The following TACR1 variants were observed in gnomAD, a reference collection of about 807,000 sequenced individuals.
TACR1 encodes substance-P receptor.
In TACR1, 25 loss-of-function variants were observed where a neutral mutation model predicts 35.8. That is an observed-to-expected ratio of 0.70 (90% confidence interval 0.51 to 0.98). The LOEUF is 0.98. TACR1 is among the 50% of genes least tolerant of loss of function. TACR1 has a pLI of 0.00. For missense variants in TACR1, 478 were observed against 522.9 expected, an observed-to-expected ratio of 0.91 and a Z score of 0.84; for synonymous variants, 195 against 206.7, an observed-to-expected ratio of 0.94 and a Z score of 0.48.
chr2:75,075,717 A>G (rs572728895), intron 2 of TACR1, among the ~76,000 whole-genome samples: 2 of 152,380 alleles, frequency 1.3e-5, no homozygotes, highest in East Asian at 3.9e-4. Flanking sequence ...AATAACAACA[A>G]GAACAAATTC....
At chr2:75,090,545 C>G (rs546241706) in intron 2 of TACR1, among the ~76,000 whole-genome samples, 8 of 152,264 alleles carry the variant, frequency 5.3e-5, no homozygotes, top group African/African-American at 1.9e-4. Context: ...ACAAACTCAA[C>G]CAATTGTCAA....
chr2:75,170,702 C>T (rs1675257205), intron 1 of TACR1, among the ~76,000 whole-genome samples: 1 of 152,114 alleles, frequency 6.6e-6, no homozygotes, highest in Non-Finnish European at 1.5e-5. Flanking sequence ...GAGGAACTTG[C>T]TGGGAACTGG....
At chr2:75,080,048 A>G (rs922378866) in intron 2 of TACR1, among the ~76,000 whole-genome samples, 1 of 152,182 alleles carries the variant, frequency 6.6e-6, no homozygotes. Context: ...TTACCCTCCA[A>G]TCTTGCAAAA....
intron 3 of TACR1, among the ~76,000 whole-genome samples, chr2:75,052,604 A>T (rs1220088881): frequency 1.3e-5 from 2 of 152,198 alleles, no homozygotes; most frequent in African/African-American, 2.4e-5. Flanking sequence ...ATTTTCAAAA[A>T]TCTTGTCAAT....
chr2:75,186,997 C>T (rs1329184394), intron 1 of TACR1: 2 of 152,142 alleles, frequency 1.3e-5, no homozygotes, highest in African/African-American at 4.8e-5. Context: ...CCAGACAGAC[C>T]CTGGCAGAAA....
chr2:75,095,690 T>C (rs1362728684), intron 2 of TACR1, among the ~76,000 whole-genome samples: 2 of 152,136 alleles, frequency 1.3e-5, no homozygotes, highest in Non-Finnish European at 1.5e-5. Flanking sequence ...TCGCCTAATA[T>C]CCAGGAGCTC....
chr2:75,111,165 T>C (rs1572936377), intron 2 of TACR1, among the ~76,000 whole-genome samples: 1 of 152,014 alleles, frequency 6.6e-6, no homozygotes. Flanking sequence ...TTTCCTGATA[T>C]ATAGAATTTA....
intron 2 of TACR1, among the ~76,000 whole-genome samples, chr2:75,071,192 T>G (rs1392217341): frequency 6.6e-6 from 1 of 152,186 alleles, no homozygotes; most frequent in East Asian, 1.9e-4. Flanking sequence ...AAAAATGTGT[T>G]GATCCCTGCT....
intron 1 of TACR1, among the ~76,000 whole-genome samples, chr2:75,143,258 A>T (rs1201477297): frequency 1.3e-5 from 2 of 152,148 alleles, no homozygotes; most frequent in Non-Finnish European, 2.9e-5. Context: ...ACAAGTTTGA[A>T]TTTTACTTTT....
intron 1 of TACR1, among the ~76,000 whole-genome samples, chr2:75,144,479 C>A (rs1376891869): frequency 6.6e-6 from 1 of 152,164 alleles, no homozygotes; most frequent in African/African-American, 2.4e-5. Flanking sequence ...ATGATCCTAA[C>A]TTGGAACCAT....
At chr2:75,133,367 T>A (rs989818944) in intron 1 of TACR1, among the ~76,000 whole-genome samples, 1 of 152,228 alleles carries the variant, frequency 6.6e-6, no homozygotes, top group African/African-American at 2.4e-5. Flanking sequence ...AGTAAAAATT[T>A]AAAGAATACA....
chr2:75,148,309 C>T (rs956289291), intron 1 of TACR1, among the ~76,000 whole-genome samples: 8 of 152,102 alleles, frequency 5.3e-5, no homozygotes, highest in Admixed American at 6.5e-5. Flanking sequence ...TCTTCCACAA[C>T]GGTTGAATCA....
intron 2 of TACR1, among the ~76,000 whole-genome samples, chr2:75,105,625 C>T (rs907405718): frequency 1.8e-4 from 27 of 151,666 alleles, no homozygotes; most frequent in African/African-American, 6.3e-4. Context: ...TATTGTACGC[C>T]GTAAATGCAC....
intron 1 of TACR1, among the ~76,000 whole-genome samples, chr2:75,194,075 G>T (rs963314533): frequency 2.0e-5 from 3 of 152,060 alleles, no homozygotes; most frequent in Admixed American, 6.6e-5. Context: ...TTCTTTATTT[G>T]CCTCCAATTC....
At chr2:75,134,088 A>G (rs576947225) in intron 1 of TACR1, among the ~76,000 whole-genome samples, 2 of 152,222 alleles carry the variant, frequency 1.3e-5, no homozygotes. Context: ...GGAGGCATGA[A>G]TAATCCACCC....
chr2:75,082,251 C>T (rs1179772282), intron 2 of TACR1, among the ~76,000 whole-genome samples: 1 of 152,248 alleles, frequency 6.6e-6, no homozygotes, highest in African/African-American at 2.4e-5. Context: ...GACATGAACT[C>T]ATCCTTTTTT....
intron 2 of TACR1, among the ~76,000 whole-genome samples, chr2:75,061,515 A>T (rs2103797789): frequency 6.6e-6 from 1 of 152,208 alleles, no homozygotes; most frequent in East Asian, 1.9e-4. Context: ...GATAGGGGAT[A>T]TGAAGCCCTC....
intron 2 of TACR1, among the ~76,000 whole-genome samples, chr2:75,054,512 G>C (rs1335224670): frequency 1.3e-5 from 2 of 152,112 alleles, no homozygotes; most frequent in Non-Finnish European, 2.9e-5. Flanking sequence ...CGTTTGACTG[G>C]GACATGAGCA....
intron 1 of TACR1, among the ~76,000 whole-genome samples, chr2:75,159,669 A>G (rs1674952253): frequency 6.6e-6 from 1 of 152,196 alleles, no homozygotes; most frequent in Non-Finnish European, 1.5e-5. Flanking sequence ...GACTTCTAGA[A>G]TAATAGAGCC....
Sources: gnomAD v4.1 joint callset for allele counts (sites outside exome capture counted in the v4.1 genomes callset) on GRCh38, gnomAD v4.1.1 for gene constraint, MANE v1.5 for transcripts, NCBI Gene and HGNC (gene_info 2026-07-23, HGNC 2026-07-21) for gene names.